SFSWAP: variants seen among roughly 807,000 people sequenced by gnomAD.
SFSWAP encodes the protein splicing factor SWAP, also known as splicing factor, suppressor of white-apricot homolog.
Under a neutral mutation model 100.7 loss-of-function variants are expected in SFSWAP, and 17 were observed. The observed-to-expected ratio is 0.17, with a 90% CI of 0.12 to 0.25. The LOEUF is 0.25. SFSWAP is among the 10% of genes least tolerant of loss of function. The pLI, the probability that SFSWAP is intolerant of heterozygous loss-of-function variation, is 1.00. For synonymous variants in SFSWAP, 504 were observed against 510.1 expected, an observed-to-expected ratio of 0.99 and a Z score of 0.16; for missense variants, 1,005 against 1,262.6, an observed-to-expected ratio of 0.80 and a Z score of 3.09.
chr12:131,767,913 G>C (rs1400524173), intron 13 of SFSWAP, among the ~76,000 whole-genome samples: 1 of 152,122 alleles, frequency 6.6e-6, no homozygotes, highest in Admixed American at 6.5e-5. Flanking sequence ...GGTGATGAAA[G>C]AAATAAAAGT....
intron 13 of SFSWAP, among the ~76,000 whole-genome samples, 160 bp downstream of exon 13, chr12:131,766,468 G>C (rs1432348177): frequency 6.6e-6 from 1 of 152,204 alleles, no homozygotes; most frequent in Admixed American, 6.5e-5. Context: ...CTCTATAGCA[G>C]TGAATCTAAG....
chr12:131,720,425 G>A (rs955144511), intron 4 of SFSWAP, among the ~76,000 whole-genome samples: 1 of 152,192 alleles, frequency 6.6e-6, no homozygotes, highest in Non-Finnish European at 1.5e-5. Context: ...ATTTTTATAT[G>A]TTTACTGGGA....
intron 11 of SFSWAP, among the ~76,000 whole-genome samples, chr12:131,760,238 A>G (rs1292973155): frequency 6.6e-6 from 1 of 152,220 alleles, no homozygotes; most frequent in Admixed American, 6.5e-5. Flanking sequence ...TGGCCTGAAT[A>G]AAGTTAAAAG....
Position 131,714,001 on chromosome 12 carries a change from T to C in SFSWAP, c.219-70T>C. On this transcript the variant is annotated intron_variant, in intron 1 of 17. Transcript: ENST00000261674. This position sits in a 1 kb window ranked among gnomAD's most constrained non-coding sequence, Gnocchi z 6.0. The stretch of plus-strand genomic sequence containing the variant: ...GTGTGTGTATATATATATACATATA[T>C]AAAACATCACACACGCACACCAGTC... The C allele has an allele frequency of 8.7e-7, 1 of 1,145,956 alleles. No individual in the cohort carries two copies. The highest frequency in any genetic ancestry group is 1.4e-5 in the South Asian group (1 of 69,346). The allele number at this position is 1,145,956 out of a possible 1,614,324, so 71.0% of individuals were successfully genotyped here. A position where few individuals can be genotyped will look rare whatever the true frequency, so the allele number is the denominator to read the frequency against.
rs186173251 is a variant in SFSWAP at position 131,778,250 on chromosome 12, G to A, written c.2328G>A (p.Ser776=). The change falls in exon 14 of 18, where the codon TCG becomes TCA. Residue 776 remains serine (S), a synonymous_variant. Coordinates refer to ENST00000261674, the MANE Select transcript of SFSWAP (RefSeq NM_004592.4). This position sits in a 1 kb window ranked among gnomAD's most constrained non-coding sequence, Gnocchi z 4.2. Reference sequence around the variant, plus strand: ...GATCACGTTCTCCCAAGTACCATTCGTCATCCAAGTCCAGGTCTAGATCAC... The same window carrying A: ...GATCACGTTCTCCCAAGTACCATTCATCATCCAAGTCCAGGTCTAGATCAC... The part of the protein sequence containing the change: ...RTRSRSPKYH[S]SSKSRSRSHS... 1.4e-5 allele frequency: 22 copies of A among 1,614,052 alleles called. No homozygotes were observed. In the Admixed American group the frequency reaches 1.7e-4, roughly 12 times the overall value.
intron 17 of SFSWAP, 88 bp from the exon 18 acceptor site, chr12:131,799,335 G>A (rs1885906856): frequency 7.1e-7 from 1 of 1,405,208 alleles, no homozygotes; most frequent in Non-Finnish European, 1.0e-6. Context: ...GTCTGGTCTT[G>A]ACCACCAACT....
chr12:131,793,819 C>T (rs904150240), intron 15 of SFSWAP, among the ~76,000 whole-genome samples: 11 of 152,074 alleles, frequency 7.2e-5, no homozygotes, highest in East Asian at 3.9e-4. Flanking sequence ...AGATGTGGAA[C>T]GGCATGAGTC....
chr12:131,771,393 G>A (rs918650975), intron 13 of SFSWAP, among the ~76,000 whole-genome samples: 1 of 152,140 alleles, frequency 6.6e-6, no homozygotes, highest in Non-Finnish European at 1.5e-5. Flanking sequence ...CCCAATCTGT[G>A]TCCTGTGTCT....
At chr12:131,718,934 C>T (rs948664834) in intron 3 of SFSWAP, among the ~76,000 whole-genome samples, 2 of 152,028 alleles carry the variant, frequency 1.3e-5, no homozygotes, top group African/African-American at 4.8e-5. Flanking sequence ...CAGCAGAATC[C>T]CGGAGCTAAC....
chr12:131,752,772 A>G, intron 7 of SFSWAP, among the ~76,000 whole-genome samples: 1 of 152,228 alleles, frequency 6.6e-6, no homozygotes, highest in African/African-American at 2.4e-5. Context: ...GTGTGAGCAA[A>G]GGGATGACTG....
chr12:131,779,353 ACTATTAAAC>A (rs1884317417), intron 14 of SFSWAP, among the ~76,000 whole-genome samples: 1 of 151,592 alleles, frequency 6.6e-6, no homozygotes, highest in Non-Finnish European at 1.5e-5. Context: ...TCCAGGAGTC[ACTATTAAAC>A]CAAAGGCCTT....
In SFSWAP at chr12:131,714,835, G is replaced by T. The variant is rs1877730850; in HGVS notation, c.402G>T (p.Lys134Asn). The T allele has an allele frequency of 6.2e-7, 1 of 1,613,838 alleles. No homozygotes were observed. The highest frequency in any genetic ancestry group is 8.5e-7 in the Non-Finnish European group (1 of 1,179,770). The change falls in exon 3 of 18, where the codon AAG becomes AAT. Residue 134 changes from lysine (K) to asparagine (N), a missense_variant. Physicochemically the swap from Lys to Asn is moderately conservative, Grantham distance 94. Transcript: ENST00000261674. This position sits in a 1 kb window ranked among gnomAD's most constrained non-coding sequence, Gnocchi z 6.0. ...TTTTTATTCAAGAGGAAGAATACAAGCGATTGAGTGAAGCACTAGCAGAGG... is the reference window on the plus strand; with the variant it reads ...TTTTTATTCAAGAGGAAGAATACAATCGATTGAGTGAAGCACTAGCAGAGG... Reference protein sequence around the residue: ...EEEARQEEEYKRLSEALAEDG... With the variant: ...EEEARQEEEYNRLSEALAEDG...
chr12:131,715,522 A>G (rs1181061449), intron 3 of SFSWAP, among the ~76,000 whole-genome samples: 1 of 152,244 alleles, frequency 6.6e-6, no homozygotes, highest in East Asian at 1.9e-4. Context: ...GAAACTTTGA[A>G]TATAAAAAAT....
At chr12:131,749,267 T>C (rs1352083747) in intron 7 of SFSWAP, among the ~76,000 whole-genome samples, 1 of 152,194 alleles carries the variant, frequency 6.6e-6, no homozygotes, top group Admixed American at 6.6e-5. Flanking sequence ...GTAGCCTCGC[T>C]ATAAGCCCAG....
In SFSWAP at chr12:131,799,656, T is replaced by TA; in HGVS notation, c.*169dup. ...TTAAGATTTCTGACCAGCAGTCTCT[T>TA]ACCTGTATATTTGTAAATATATCAT... On this transcript the variant is annotated 3_prime_UTR_variant, in exon 18 of 18. Transcript: ENST00000261674. 1 of 602,698 alleles carries TA rather than the reference T, an allele frequency of 1.7e-6. No individual in the cohort carries two copies. The highest frequency in any genetic ancestry group is 3.0e-5 in the Admixed American group (1 of 33,480). The allele number at this position is 602,698 out of a possible 1,614,324, so 37.3% of individuals were successfully genotyped here.
chr12:131,769,283 A>G (rs557375233), intron 13 of SFSWAP, among the ~76,000 whole-genome samples: 2 of 152,346 alleles, frequency 1.3e-5, no homozygotes, highest in East Asian at 3.9e-4. Flanking sequence ...TACAGCCATG[A>G]AAATATGCAT....
At chr12:131,757,007 T>G (rs1411402114) in intron 11 of SFSWAP, 1 of 181,548 alleles carries the variant, frequency 5.5e-6, no homozygotes, top group Admixed American at 5.5e-5. Flanking sequence ...CAAAGCAGAT[T>G]CCTTGAGAAT....
rs4964988 is a variant in SFSWAP, at chr12:131,733,225, G to A, written c.1081+4797G>A. On this transcript the variant is annotated intron_variant, in intron 7 of 17. Transcript: ENST00000261674. The surrounding 1 kb of genome is among the most constrained non-coding windows in gnomAD (Gnocchi z 5.1). ...TCTCCCTGGTACTTACTGGGCAGGTGCGTATCGTCAGGAGCTCCTCACCCT... is the reference window on the plus strand; with the variant it reads ...TCTCCCTGGTACTTACTGGGCAGGTACGTATCGTCAGGAGCTCCTCACCCT... 0.37 allele frequency among the ~76,000 whole-genome samples: 56,342 copies of A among 152,004 alleles called. 11,277 individuals are homozygous for A. Among genetic ancestry groups the A allele is most frequent in the Non-Finnish European group, 0.45 (30,706 of 67,918 alleles).
chr12:131,741,292 A>G (rs896415565), intron 7 of SFSWAP, among the ~76,000 whole-genome samples: 1 of 152,036 alleles, frequency 6.6e-6, no homozygotes, highest in Non-Finnish European at 1.5e-5. Flanking sequence ...TACAATTTTG[A>G]TGTCATAAAA....
Sources: gnomAD v4.1 joint callset for allele counts (sites outside exome capture counted in the v4.1 genomes callset) on GRCh38, gnomAD v4.1.1 for gene constraint, Gnocchi (gnomAD v3.1) non-coding constraint, MANE v1.5 for transcripts, NCBI Gene and HGNC (gene_info 2026-07-23, HGNC 2026-07-21) for gene names.